The following HTR4 variants were observed in gnomAD, a reference collection of about 807,000 sequenced individuals.
HTR4 encodes the protein 5-hydroxytryptamine (serotonin) receptor 4, G protein-coupled.
HTR4 carries 16 observed loss-of-function variants against 36.8 expected under a neutral mutation model. The observed-to-expected ratio is 0.43, with a 90% CI of 0.29 to 0.66. The LOEUF (loss-of-function observed/expected upper bound fraction) is 0.66. HTR4 is among the 30% of genes least tolerant of loss of function. The pLI is 0.13. For missense variants in HTR4, 438 were observed against 490.9 expected, an observed-to-expected ratio of 0.89 and a Z score of 1.02; for synonymous variants, 189 against 185.1, an observed-to-expected ratio of 1.02 and a Z score of -0.17.
At chr5:148,522,753 C>A (rs1758081581) in intron 5 of HTR4, among the ~76,000 whole-genome samples, 1 of 151,924 alleles carries the variant, frequency 6.6e-6, no homozygotes, top group African/African-American at 2.4e-5. Flanking sequence ...GGAAAATTAC[C>A]AATAGAAAAC....
At chr5:148,526,555 A>T (rs1271567411) in intron 4 of HTR4, among the ~76,000 whole-genome samples, 1 of 152,222 alleles carries the variant, frequency 6.6e-6, no homozygotes, top group Non-Finnish European at 1.5e-5. Context: ...CCAAAAGTTC[A>T]AAAACACAAG....
At chr5:148,593,254 T>G (rs1271253980) in intron 2 of HTR4, among the ~76,000 whole-genome samples, 1 of 152,206 alleles carries the variant, frequency 6.6e-6, no homozygotes, top group Non-Finnish European at 1.5e-5. Flanking sequence ...CAGAGGAGTA[T>G]CAAGTTTTCT....
chr5:148,566,964 GT>G (rs200616886), intron 2 of HTR4, among the ~76,000 whole-genome samples: 3 of 149,764 alleles, frequency 2.0e-5, no homozygotes, highest in East Asian at 2.0e-4. Context: ...AAAAAATTGT[GT>G]TTTTTTTCAA....
Position 148,573,118 on chromosome 5 carries a change from T to G in HTR4, c.27-22856A>C, listed in dbSNP as rs1027226470. On this transcript the variant is annotated intron_variant, in intron 2 of 6. Transcript: ENST00000377888. Reference sequence around the variant, plus strand: ...CACTGTCATGCAGTTCTAAAGAGTGTGGCTGGATCCTAGTCAGGGAAGATA... The same window carrying G: ...CACTGTCATGCAGTTCTAAAGAGTGGGGCTGGATCCTAGTCAGGGAAGATA... 2.6e-5 allele frequency among the ~76,000 whole-genome samples: 4 copies of G among 152,038 alleles called. No homozygotes were observed. The South Asian group carries it at 6.2e-4, about 24-fold the overall frequency.
At chr5:148,512,961 C>A (rs1757565575) in intron 5 of HTR4, among the ~76,000 whole-genome samples, 5 of 151,476 alleles carry the variant, frequency 3.3e-5, no homozygotes, top group Admixed American at 3.3e-4. Context: ...TAAAGACATT[C>A]TTTTACATGA....
chr5:148,576,128 A>AAAAAAAAC (rs1561629268), intron 2 of HTR4, among the ~76,000 whole-genome samples: 2 of 144,682 alleles, frequency 1.4e-5, no homozygotes, highest in African/African-American at 5.1e-5. Context: ...AAAAAAAAAA[A>AAAAAAAAC]AAAAACAAAA....
At chr5:148,616,805 T>C (rs1752708895) in intron 2 of HTR4, among the ~76,000 whole-genome samples, 1 of 152,148 alleles carries the variant, frequency 6.6e-6, no homozygotes, top group South Asian at 2.1e-4. Context: ...AAGTTATAAC[T>C]TACCTTATAA....
chr5:148,601,370 G>A (rs1041355776), intron 2 of HTR4, among the ~76,000 whole-genome samples: 3 of 152,074 alleles, frequency 2.0e-5, no homozygotes, highest in African/African-American at 7.2e-5. Context: ...TCAGAGTCTC[G>A]AAGAAATACC....
chr5:148,521,121 G>A lies in HTR4; in HGVS notation c.507+2072C>T, dbSNP rs77447013. Among the ~76,000 whole-genome samples, 1,385 of 152,322 alleles carry A rather than the reference G, an allele frequency of 9.1e-3. 24 individuals are homozygous for A. Among genetic ancestry groups the A allele is most frequent in the African/African-American group, 0.031 (1,274 of 41,574 alleles). On this transcript the variant is annotated intron_variant, in intron 5 of 6. Coordinates refer to ENST00000377888, the MANE Select transcript of HTR4 (RefSeq NM_000870.7). ...GGGACCACTTCTACAGCAAGTGCCT[G>A]ACAACTTCCTTATGGAATATATATC...
At chr5:148,610,770 A>G (rs2127279957) in intron 2 of HTR4, among the ~76,000 whole-genome samples, 1 of 145,318 alleles carries the variant, frequency 6.9e-6, no homozygotes, top group East Asian at 2.0e-4. Context: ...AAGAAGTTGA[A>G]AACTTTGAAA....
chr5:148,594,054 T>A (rs1178383011), intron 2 of HTR4, among the ~76,000 whole-genome samples: 2 of 152,210 alleles, frequency 1.3e-5, no homozygotes, highest in Non-Finnish European at 2.9e-5. Context: ...TGCTTCGTAG[T>A]GAAAGTATAT....
Position 148,550,836 on chromosome 5 carries a change from C to T in HTR4, c.27-574G>A, listed in dbSNP as rs140772996. Among the ~76,000 whole-genome samples, 290 of 152,230 alleles carry T rather than the reference C, an allele frequency of 1.9e-3. 1 individual carries two copies. Among genetic ancestry groups the T allele is most frequent in the Non-Finnish European group, 3.1e-3 (210 of 68,018 alleles). ...GACGTCTCATGGCATGATCCACGAT[C>T]CAATCATATAGAGCCCTAGCATCAC... On this transcript the variant is annotated intron_variant, in intron 2 of 6. Transcript: ENST00000377888.
chr5:148,472,041 C>G (rs1460483510), downstream of HTR4, among the ~76,000 whole-genome samples: 6 of 152,160 alleles, frequency 3.9e-5, no homozygotes, highest in African/African-American at 1.4e-4. Context: ...TTCCACTCAC[C>G]AGTTTCCCAC....
downstream of HTR4, among the ~76,000 whole-genome samples, chr5:148,472,271 A>G (rs1317958602): frequency 3.3e-5 from 5 of 152,234 alleles, no homozygotes; most frequent in Non-Finnish European, 5.9e-5. Flanking sequence ...CACTTAGCAC[A>G]ATGCCTGGCA....
intron 1 of HTR4, among the ~76,000 whole-genome samples, chr5:148,643,241 T>C (rs142666385): frequency 6.6e-6 from 1 of 152,316 alleles, no homozygotes; most frequent in East Asian, 1.9e-4. Context: ...CTGGTAAGTT[T>C]AGCATCTTTG....
rs549539899 is a variant in HTR4, at chr5:148,596,774, C to G, written c.26+40215G>C. ...CTACACAAACTCTGATTTTTCCTGC[C>G]TCCATGTCCATCTTTCATTCATTCT... On this transcript the variant is annotated intron_variant, in intron 2 of 6. Transcript: ENST00000377888. Among the ~76,000 whole-genome samples, 5 of 152,268 alleles carry G rather than the reference C, an allele frequency of 3.3e-5. No individual in the cohort carries two copies. The East Asian group carries it at 9.7e-4, about 29-fold the overall frequency.
At chr5:148,505,100 G>A (rs927945618) in intron 6 of HTR4, among the ~76,000 whole-genome samples, 1 of 151,678 alleles carries the variant, frequency 6.6e-6, no homozygotes, top group Non-Finnish European at 1.5e-5. Context: ...TATCCCTGAT[G>A]AACACTGATG....
At chr5:148,573,131 G>A (rs1477665137) in intron 2 of HTR4, among the ~76,000 whole-genome samples, 7 of 151,942 alleles carry the variant, frequency 4.6e-5, no homozygotes, top group African/African-American at 7.2e-5. Context: ...CTGGATCCTA[G>A]TCAGGGAAGA....
At chr5:148,553,864 A>G (rs768193498) in intron 2 of HTR4, among the ~76,000 whole-genome samples, 30 of 152,336 alleles carry the variant, frequency 2.0e-4, no homozygotes, top group African/African-American at 2.9e-4. Context: ...TGATCCCCCA[A>G]TTCAATCCCA....
Sources: gnomAD v4.1 joint callset for allele counts (sites outside exome capture counted in the v4.1 genomes callset) on GRCh38, gnomAD v4.1.1 for gene constraint, MANE v1.5 for transcripts, NCBI Gene and HGNC (gene_info 2026-07-23, HGNC 2026-07-21) for gene names.